Variants in RBFOX1 observed in about 807,000 individuals in gnomAD.
RBFOX1 encodes the protein RNA binding fox-1 homolog 1, also known as RNA binding protein fox-1 homolog 1.
Under a neutral mutation model 57.7 loss-of-function variants are expected in RBFOX1, and 8 were observed. The ratio of observed to expected loss-of-function variants is 0.14; its 90% CI spans 0.08 to 0.25. RBFOX1 has a LOEUF of 0.25. Among genes scored for constraint, RBFOX1 ranks in the 10% least tolerant of loss-of-function variants. RBFOX1 has a pLI of 1.00. For synonymous variants in RBFOX1, 326 were observed against 222.4 expected, an observed-to-expected ratio of 1.47 and a Z score of -4.15; for missense variants, 611 against 548.5, an observed-to-expected ratio of 1.11 and a Z score of -1.14.
intron 3 of RBFOX1, among the ~76,000 whole-genome samples, chr16:5,608,697 C>G (rs769811422): frequency 8.5e-5 from 13 of 152,164 alleles, no homozygotes; most frequent in Non-Finnish European, 1.5e-4. Context: ...GCTGCAAGCC[C>G]TGTAATAGTT....
intron 3 of RBFOX1, among the ~76,000 whole-genome samples, chr16:6,891,456 C>T (rs538453205): frequency 6.6e-6 from 1 of 152,044 alleles, no homozygotes; most frequent in East Asian, 1.9e-4. Context: ...GACACATACA[C>T]ACACACACTA....
chr16:5,967,689 C>G (rs763336820), intron 4 of RBFOX1, among the ~76,000 whole-genome samples: 1 of 152,124 alleles, frequency 6.6e-6, no homozygotes, highest in Non-Finnish European at 1.5e-5. Context: ...TCTTCTTCTT[C>G]CCCCTAAGAA....
rs1279264655 is a variant in RBFOX1 at position 7,653,920 on chromosome 16, C to T, written c.863C>T (p.Pro288Leu). The change falls in exon 12 of 16, where the codon CCC becomes CTC. Residue 288 changes from proline (P) to leucine (L), a missense_variant. By Grantham distance (98) the Pro-to-Leu change is moderately conservative. Coordinates refer to ENST00000550418, the MANE Select transcript of RBFOX1 (RefSeq NM_018723.4). ...TACAACACCTTCAGGGCCGCGGCGC[C>T]CCCGCCCCCGATCCCGGCCTACGGC... ...TVYNTFRAAA[P>L]PPPIPAYGGV... 1.3e-6 allele frequency: 2 copies of T among 1,563,522 alleles called. No individual in the cohort carries two copies. The highest frequency in any genetic ancestry group is 1.7e-6 in the Non-Finnish European group (2 of 1,161,500).
chr16:7,493,680 G>C (rs1168315520), intron 4 of RBFOX1, among the ~76,000 whole-genome samples: 1 of 152,190 alleles, frequency 6.6e-6, no homozygotes, highest in Non-Finnish European at 1.5e-5. Flanking sequence ...AATTAAGGTG[G>C]TCATTAGAAG....
rs60248765 is a variant in RBFOX1, at chr16:7,612,320, CAAAAAAAAAAAAAA to C, written c.676+4998_676+5011del. On this transcript the variant is annotated intron_variant, in intron 10 of 15. Coordinates refer to ENST00000550418, the MANE Select transcript of RBFOX1 (RefSeq NM_018723.4). ...TGGGTAACAGAGCGAGACTCCATCTCAAAAAAAAAAAAAAAAAAAAAAAAAAAAAGACAAATGAT... is the reference window on the plus strand; with the variant it reads ...TGGGTAACAGAGCGAGACTCCATCTCAAAAAAAAAAAAAAAGACAAATGAT... Among the ~76,000 whole-genome samples, 8 of 71,456 alleles carry C rather than the reference CAAAAAAAAAAAAAA, an allele frequency of 1.1e-4. No individual in the cohort carries two copies. The South Asian group carries it at 2.0e-3, about 18-fold the overall frequency. 46.9% of individuals were successfully genotyped at this position (71,456 alleles called of 152,430 possible). A position where few individuals can be genotyped will look rare whatever the true frequency, so the allele number is the denominator to read the frequency against.
chr16:5,624,602 T>A (rs2048296069), intron 3 of RBFOX1, among the ~76,000 whole-genome samples: 1 of 152,204 alleles, frequency 6.6e-6, no homozygotes, highest in Admixed American at 6.5e-5. Context: ...ATCCCCCACC[T>A]GGGAGGCACA....
At chr16:6,162,222 A>G (rs531077775) in intron 1 of RBFOX1, among the ~76,000 whole-genome samples, 2 of 152,186 alleles carry the variant, frequency 1.3e-5, no homozygotes, top group South Asian at 2.1e-4. Flanking sequence ...GGTTCAAGCA[A>G]TTCACCTGTG....
chr16:6,030,157 G>A (rs866606801), intron 1 of RBFOX1, among the ~76,000 whole-genome samples: 1 of 152,102 alleles, frequency 6.6e-6, no homozygotes, highest in African/African-American at 2.4e-5. Context: ...TGAACTCCTG[G>A]GGTCAAGCAA....
At chr16:7,671,331 T>G (rs1455481189) in intron 13 of RBFOX1, among the ~76,000 whole-genome samples, 1 of 152,236 alleles carries the variant, frequency 6.6e-6, no homozygotes, top group Non-Finnish European at 1.5e-5. Flanking sequence ...CAAAGTGGTT[T>G]GATCCCCATC....
intron 3 of RBFOX1, among the ~76,000 whole-genome samples, chr16:6,863,987 TC>T (rs57288048): frequency 0.11 from 13,611 of 126,820 alleles, 764 homozygotes; most frequent in African/African-American, 0.16. Flanking sequence ...GTCTTTATGT[TC>T]CTTTTTTTTT....
chr16:7,619,356 T>C (rs1279822765), intron 10 of RBFOX1, among the ~76,000 whole-genome samples: 1 of 152,274 alleles, frequency 6.6e-6, no homozygotes, highest in Non-Finnish European at 1.5e-5. Flanking sequence ...TTTTTAGCCA[T>C]AGCAGGGGAA....
chr16:7,686,564 C>G (rs1183472203), intron 14 of RBFOX1, among the ~76,000 whole-genome samples: 1 of 151,954 alleles, frequency 6.6e-6, no homozygotes, highest in Non-Finnish European at 1.5e-5. Context: ...CTTTAGGAGT[C>G]TACACAGACA....
chr16:6,593,745 T>G (rs1258732966), intron 2 of RBFOX1, among the ~76,000 whole-genome samples: 1 of 152,156 alleles, frequency 6.6e-6, no homozygotes, highest in Non-Finnish European at 1.5e-5. Flanking sequence ...TCAGTAGCAC[T>G]GGAACAGAGA....
At chr16:6,935,050 C>G (rs893913983) in intron 3 of RBFOX1, among the ~76,000 whole-genome samples, 7 of 151,974 alleles carry the variant, frequency 4.6e-5, no homozygotes, top group African/African-American at 9.7e-5. Flanking sequence ...AAGATCGTTC[C>G]ACTGCACTCC....
chr16:5,567,278 G>T (rs1403199238), intron 2 of RBFOX1, among the ~76,000 whole-genome samples: 1 of 152,208 alleles, frequency 6.6e-6, no homozygotes, highest in Non-Finnish European at 1.5e-5. Flanking sequence ...GCTCAGGACT[G>T]CGTCACTTTG....
At chr16:6,616,121 A>T (rs919062106) in intron 2 of RBFOX1, among the ~76,000 whole-genome samples, 3 of 152,186 alleles carry the variant, frequency 2.0e-5, no homozygotes, top group African/African-American at 4.8e-5. Context: ...AGAATCTTTT[A>T]TAGGAAGTGT....
intron 4 of RBFOX1, among the ~76,000 whole-genome samples, chr16:7,419,559 G>A (rs986968408): frequency 1.7e-4 from 26 of 152,150 alleles, no homozygotes; most frequent in Non-Finnish European, 2.5e-4. Flanking sequence ...CAAATGTTGC[G>A]GCATATGCAA....
At chr16:7,638,114 C>A (rs1399029610) in intron 11 of RBFOX1, among the ~76,000 whole-genome samples, 1 of 152,074 alleles carries the variant, frequency 6.6e-6, no homozygotes, top group East Asian at 1.9e-4. Flanking sequence ...CCTTCCACCC[C>A]CCACTTAAGT....
intron 12 of RBFOX1, among the ~76,000 whole-genome samples, chr16:7,663,612 T>C (rs2068377994): frequency 6.6e-6 from 1 of 152,090 alleles, no homozygotes; most frequent in Non-Finnish European, 1.5e-5. Flanking sequence ...TGGAATCCTT[T>C]GGTATTAAAG....
Sources: allele counts gnomAD v4.1 joint callset (sites outside exome capture counted in the v4.1 genomes callset), GRCh38; gene constraint gnomAD v4.1.1; transcripts MANE v1.5; gene names NCBI Gene and HGNC (gene_info 2026-07-23, HGNC 2026-07-21).